LAMA3: variants seen among roughly 807,000 people sequenced by gnomAD.
The protein encoded by LAMA3 is laminin subunit alpha-3.
A neutral mutation model predicts 402.0 loss-of-function variants in LAMA3; 281 were observed. The observed-to-expected ratio is 0.70, with a 90% CI of 0.63 to 0.77. The LOEUF is 0.77. LAMA3 is among the 30% of genes least tolerant of loss of function. The pLI, the probability that LAMA3 is intolerant of heterozygous loss-of-function variation, is 0.00. For missense variants in LAMA3, 3,840 were observed against 4,215.5 expected (o/e 0.91, Z 2.47); for synonymous variants, 1,431 against 1,558.4 (o/e 0.92, Z 1.93).
chr18:23,758,843 A>G (rs2061909192), intron 7 of LAMA3, among the ~76,000 whole-genome samples: 1 of 152,176 alleles, frequency 6.6e-6, no homozygotes, highest in Admixed American at 6.5e-5. Context: ...AGGACGTGAT[A>G]CTGGATAGGA....
chr18:23,717,635 C>A (rs1206786913), intron 2 of LAMA3, among the ~76,000 whole-genome samples: 2 of 147,050 alleles, frequency 1.4e-5, no homozygotes, highest in Non-Finnish European at 3.0e-5. Flanking sequence ...TCACTGCAAC[C>A]TCCGTCTCCC....
chr18:23,871,358 G>T (rs191614211), intron 37 of LAMA3, 73 bp from the exon 38 acceptor site: 6 of 1,167,132 alleles, frequency 5.1e-6, no homozygotes, highest in Admixed American at 5.1e-5. Context: ...TTCATTCGGG[G>T]TGTCTGCCTC....
rs549932955 is a variant in LAMA3, at chr18:23,816,098, G to A, written c.2048-290G>A. ...GCATTTGAGCTGGCTTATAGTAGCC[G>A]CCTCCAACTTAGAAGCAGACCTTTG... On this transcript the variant is annotated intron_variant, in intron 17 of 74. Coordinates refer to ENST00000313654, the MANE Select transcript of LAMA3 (RefSeq NM_198129.4). Among the ~76,000 whole-genome samples, 56 of 152,242 alleles carry A rather than the reference G, an allele frequency of 3.7e-4. 1 individual carries two copies. Among genetic ancestry groups the A allele is most frequent in the African/African-American group, 1.3e-3 (54 of 41,548 alleles).
intron 12 of LAMA3, among the ~76,000 whole-genome samples, chr18:23,803,250 A>C (rs2062897971): frequency 6.6e-6 from 1 of 152,220 alleles, no homozygotes; most frequent in African/African-American, 2.4e-5. Flanking sequence ...GCCACCAGGT[A>C]GCCAGCTGAT....
chr18:23,771,659 T>C (rs974044655), intron 8 of LAMA3, among the ~76,000 whole-genome samples: 9 of 152,210 alleles, frequency 5.9e-5, no homozygotes, highest in Admixed American at 4.6e-4. Context: ...GACTGATAGC[T>C]GCAATTTATT....
At chr18:23,757,626 C>G (rs979941137) in intron 6 of LAMA3, among the ~76,000 whole-genome samples, 3 of 152,126 alleles carry the variant, frequency 2.0e-5, no homozygotes, top group Non-Finnish European at 4.4e-5. Flanking sequence ...AGAAGGCAGA[C>G]AAAGAGGAAC....
intron 68 of LAMA3, among the ~76,000 whole-genome samples, chr18:23,939,967 A>T (rs914800298): frequency 1.3e-5 from 2 of 152,240 alleles, no homozygotes; most frequent in Admixed American, 1.3e-4. Context: ...GCTTTCCCAC[A>T]GAGGCAGAAT....
At chr18:23,774,254 A>G (rs2062266031) in intron 9 of LAMA3, among the ~76,000 whole-genome samples, 1 of 152,238 alleles carries the variant, frequency 6.6e-6, no homozygotes, top group Non-Finnish European at 1.5e-5. Flanking sequence ...AATTAGAACA[A>G]GACAACACAG....
intron 2 of LAMA3, among the ~76,000 whole-genome samples, chr18:23,745,989 G>A (rs1371618345): frequency 6.6e-6 from 1 of 152,204 alleles, no homozygotes; most frequent in Non-Finnish European, 1.5e-5. Flanking sequence ...TTCCAAACAT[G>A]AATTCTTGGA....
At chr18:23,820,119 T>G in intron 19 of LAMA3, 122 bp downstream of exon 19, 68 of 1,000,642 alleles carry the variant, frequency 6.8e-5, no homozygotes, top group Non-Finnish European at 8.5e-5. Context: ...TCTTTTTCTC[T>G]ATATTATGGG....
At chr18:23,945,469 G>A (rs903872910) in intron 69 of LAMA3, among the ~76,000 whole-genome samples, 1 of 152,206 alleles carries the variant, frequency 6.6e-6, no homozygotes, top group African/African-American at 2.4e-5. Context: ...GCCAGGAGGA[G>A]AGCAGTTCAG....
chr18:23,840,575 T>C (rs2063679205), intron 27 of LAMA3, among the ~76,000 whole-genome samples: 1 of 151,780 alleles, frequency 6.6e-6, no homozygotes, highest in Non-Finnish European at 1.5e-5. Context: ...TCTGTAGAGG[T>C]GGGATCTTGC....
intron 2 of LAMA3, among the ~76,000 whole-genome samples, chr18:23,745,972 T>C (rs1019657167): frequency 6.6e-6 from 1 of 152,214 alleles, no homozygotes; most frequent in Non-Finnish European, 1.5e-5. Flanking sequence ...ATATATTAGC[T>C]CTGATTTTCC....
chr18:23,758,533 G>A, intron 7 of LAMA3, 22 bp downstream of exon 7: 2 of 1,533,034 alleles, frequency 1.3e-6, no homozygotes, highest in Non-Finnish European at 1.8e-6. Flanking sequence ...GATGGGGTGG[G>A]GGCCACACGT....
intron 23 of LAMA3, among the ~76,000 whole-genome samples, chr18:23,828,169 T>C (rs913610680): frequency 5.3e-5 from 8 of 152,344 alleles, no homozygotes; most frequent in Admixed American, 2.0e-4. Flanking sequence ...ACATTCTCTG[T>C]TTTGTCCTTT....
intron 1 of LAMA3, among the ~76,000 whole-genome samples, chr18:23,699,852 A>G (rs1427591591): frequency 2.0e-5 from 3 of 152,146 alleles, no homozygotes; most frequent in Non-Finnish European, 4.4e-5. Context: ...CCTAGCCTGG[A>G]GATGCTTACA....
At chr18:23,789,505 A>G (rs1290233760) in intron 12 of LAMA3, among the ~76,000 whole-genome samples, 1 of 152,254 alleles carries the variant, frequency 6.6e-6, no homozygotes, top group Non-Finnish European at 1.5e-5. Flanking sequence ...CGAAGTACTT[A>G]TGCATGCTAC....
intron 49 of LAMA3, among the ~76,000 whole-genome samples, chr18:23,903,569 T>C (rs1472995011): frequency 6.6e-6 from 1 of 152,226 alleles, no homozygotes; most frequent in Non-Finnish European, 1.5e-5. Flanking sequence ...GTTAGTTACA[T>C]ATGTATACAT....
At chr18:23,927,657 C>A (rs2082044753) in intron 62 of LAMA3, among the ~76,000 whole-genome samples, 1 of 152,124 alleles carries the variant, frequency 6.6e-6, no homozygotes, top group African/African-American at 2.4e-5. Flanking sequence ...CAGTGGCTAA[C>A]TTAACAGTGA....
Sources: allele counts gnomAD v4.1 joint callset (sites outside exome capture counted in the v4.1 genomes callset), GRCh38; gene constraint gnomAD v4.1.1; transcripts MANE v1.5; gene names NCBI Gene and HGNC (gene_info 2026-07-23, HGNC 2026-07-21).